The following PCCA variants were observed in gnomAD, a reference collection of about 807,000 sequenced individuals.
PCCA encodes the protein propionyl-CoA carboxylase subunit alpha, also known as propionyl-CoA carboxylase alpha chain, mitochondrial.
A neutral mutation model predicts 101.3 loss-of-function variants in PCCA; 74 were observed. The observed-to-expected ratio is 0.73, with a 90% CI of 0.61 to 0.89. The LOEUF is 0.89. Among genes scored for constraint, PCCA ranks in the 40% least tolerant of loss-of-function variants. The probability of loss-of-function intolerance (pLI) is 0.00; values close to 1 mark genes in which losing one functional copy is unlikely to be tolerated. For missense variants in PCCA, 891 were observed against 907.0 expected, an observed-to-expected ratio of 0.98 and a Z score of 0.23; for synonymous variants, 294 against 313.6, an observed-to-expected ratio of 0.94 and a Z score of 0.66.
intron 8 of PCCA, among the ~76,000 whole-genome samples, chr13:100,238,999 T>G (rs2060969209): frequency 6.6e-6 from 1 of 152,176 alleles, no homozygotes; most frequent in Non-Finnish European, 1.5e-5. Context: ...TATCCTGTTT[T>G]ATGTGATTTC....
chr13:100,423,628 TG>T lies in PCCA; in HGVS notation c.1747-2004del, dbSNP rs750476290. On this transcript the variant is annotated intron_variant, in intron 19 of 23. Coordinates refer to ENST00000376285, the MANE Select transcript of PCCA (RefSeq NM_000282.4). ...TCATTGTGTAGATGATGAAATGTAG[TG>T]TATTTTCTATCACCTATCATCTTTG... 1.1e-4 allele frequency among the ~76,000 whole-genome samples: 16 copies of T among 151,794 alleles called. 1 individual carries two copies. The East Asian group carries it at 2.1e-3, about 20-fold the overall frequency.
In PCCA at chr13:100,467,074, C is replaced by T. The variant is rs115998348; in HGVS notation, c.1899+17769C>T. 1.0e-3 allele frequency among the ~76,000 whole-genome samples: 153 copies of T among 152,272 alleles called. 1 individual carries two copies. Among genetic ancestry groups the T allele is most frequent in the African/African-American group, 3.5e-3 (146 of 41,558 alleles). The stretch of plus-strand genomic sequence containing the variant: ...CCCTTTGAGATCACCAGTAGAATCC[C>T]CATGTTTCAGATGCAGTAACACGGA... On this transcript the variant is annotated intron_variant, in intron 21 of 23. Coordinates refer to ENST00000376285, the MANE Select transcript of PCCA (RefSeq NM_000282.4).
Position 100,112,044 on chromosome 13 carries a change from GA to G in PCCA, c.284del (p.Asp95ValfsTer9), listed in dbSNP as rs775825345. The G allele has an allele frequency of 1.2e-6, 2 of 1,609,930 alleles. No individual in the cohort carries two copies. Among genetic ancestry groups the G allele is most frequent in the South Asian group, 2.2e-5 (2 of 90,916 alleles). ...CATTAAGACAGTTGCCATCCACAGT[GA>G]TGTTGATGCTAGTTCTGTAAGTATA... The part of the protein sequence containing the change: ...MGIKTVAIHS[D>X]VDASSVHVKM... On this transcript the variant is annotated frameshift_variant, in exon 4 of 24. Coordinates refer to ENST00000376285, the MANE Select transcript of PCCA (RefSeq NM_000282.4). LOFTEE classifies it high-confidence loss of function.
chr13:100,103,916 G>A (rs558254911), intron 2 of PCCA, among the ~76,000 whole-genome samples: 7 of 152,208 alleles, frequency 4.6e-5, no homozygotes, highest in Non-Finnish European at 8.8e-5. Flanking sequence ...GATTACAGGC[G>A]TGAGCCACTG....
At chr13:100,193,931 C>T (rs927646391) in intron 6 of PCCA, among the ~76,000 whole-genome samples, 2 of 151,946 alleles carry the variant, frequency 1.3e-5, no homozygotes, top group East Asian at 1.9e-4. Flanking sequence ...ATTATCCTGG[C>T]GTGGTAGCGG....
chr13:100,261,754 T>A (rs2062538535), intron 9 of PCCA, among the ~76,000 whole-genome samples: 1 of 152,242 alleles, frequency 6.6e-6, no homozygotes, highest in Non-Finnish European at 1.5e-5. Context: ...ATTTTTATTT[T>A]AAAAAACTAT....
intron 22 of PCCA, among the ~76,000 whole-genome samples, chr13:100,523,884 G>A (rs1270684622): frequency 6.6e-6 from 1 of 152,238 alleles, no homozygotes; most frequent in Non-Finnish European, 1.5e-5. Context: ...ATTCACAAAA[G>A]TGTTGGAGAA....
At chr13:100,175,327 T>A (rs2056139002) in intron 6 of PCCA, among the ~76,000 whole-genome samples, 1 of 152,242 alleles carries the variant, frequency 6.6e-6, no homozygotes, top group Admixed American at 6.5e-5. Context: ...TTTGAAAGTA[T>A]TGCAACTTTT....
At chr13:100,138,954 A>C (rs9557394) in intron 4 of PCCA, among the ~76,000 whole-genome samples, 1 of 133,924 alleles carries the variant, frequency 7.5e-6, no homozygotes, top group African/African-American at 2.8e-5. Flanking sequence ...AAAAAAAAAA[A>C]AAAGAAAGAA....
intron 19 of PCCA, among the ~76,000 whole-genome samples, chr13:100,382,679 T>A (rs941492815): frequency 6.6e-6 from 1 of 152,230 alleles, no homozygotes; most frequent in African/African-American, 2.4e-5. Context: ...ACATTCATAT[T>A]CTTTGGTCTA....
chr13:100,106,455 G>T (rs2047802325), intron 2 of PCCA, among the ~76,000 whole-genome samples: 1 of 152,094 alleles, frequency 6.6e-6, no homozygotes, highest in African/African-American at 2.4e-5. Flanking sequence ...CTGTCACCCA[G>T]GCTGGAGTGC....
At chr13:100,529,218 A>AT (rs1261946941) in intron 23 of PCCA, among the ~76,000 whole-genome samples, 1 of 152,152 alleles carries the variant, frequency 6.6e-6, no homozygotes, top group Non-Finnish European at 1.5e-5. Context: ...AGAGAAAAAA[A>AT]GTTCACAAAG....
intron 21 of PCCA, among the ~76,000 whole-genome samples, chr13:100,499,652 G>C (rs1380682695): frequency 6.6e-6 from 1 of 152,242 alleles, no homozygotes; most frequent in Non-Finnish European, 1.5e-5. Context: ...ATAGACTGCT[G>C]CATGCTGCAT....
chr13:100,262,410 A>G (rs933609789), intron 9 of PCCA, among the ~76,000 whole-genome samples: 1 of 151,872 alleles, frequency 6.6e-6, no homozygotes, highest in African/African-American at 2.4e-5. Flanking sequence ...AAAAAAAGTG[A>G]TACTTAGCAG....
At chr13:100,397,570 G>A (rs1399882100) in intron 19 of PCCA, among the ~76,000 whole-genome samples, 1 of 151,840 alleles carries the variant, frequency 6.6e-6, no homozygotes, top group Non-Finnish European at 1.5e-5. Flanking sequence ...TTTTTTTGAA[G>A]GTATTCTTAT....
intron 19 of PCCA, among the ~76,000 whole-genome samples, 184 bp from the exon 20 acceptor site, chr13:100,425,449 C>T (rs2079075447): frequency 1.3e-5 from 2 of 152,252 alleles, no homozygotes; most frequent in South Asian, 4.1e-4. Flanking sequence ...TCCTTCACCT[C>T]TCCCCAGAGA....
chr13:100,233,830 C>CTTTGTGGCATGCTATAGAAGTGTTGGA (rs2060628492), intron 7 of PCCA, among the ~76,000 whole-genome samples: 1 of 152,072 alleles, frequency 6.6e-6, no homozygotes, highest in Non-Finnish European at 1.5e-5. Flanking sequence ...GATAAGCTTG[C>CTTTGTGGCATGCTATAGAAGTGTTGGA]TTTGTGGCAT....
At chr13:100,159,418 G>A (rs901046997) in intron 6 of PCCA, among the ~76,000 whole-genome samples, 4 of 152,004 alleles carry the variant, frequency 2.6e-5, no homozygotes, top group African/African-American at 9.7e-5. Flanking sequence ...TCTGTTTAAG[G>A]CCTTTGAGAA....
At chr13:100,487,726 T>G (rs2084502509) in intron 21 of PCCA, among the ~76,000 whole-genome samples, 2 of 152,012 alleles carry the variant, frequency 1.3e-5, no homozygotes, top group African/African-American at 4.8e-5. Context: ...TGGGACCTTT[T>G]AATTAATTTA....
Sources: allele counts gnomAD v4.1 joint callset (sites outside exome capture counted in the v4.1 genomes callset), GRCh38; gene constraint gnomAD v4.1.1; transcripts MANE v1.5; gene names NCBI Gene and HGNC (gene_info 2026-07-23, HGNC 2026-07-21).